EMG1: variants seen among roughly 807,000 people sequenced by gnomAD.
The protein encoded by EMG1 is EMG1 N1-specific pseudouridine methyltransferase.
EMG1 carries 24 observed loss-of-function variants against 26.9 expected under a neutral mutation model. The ratio of observed to expected loss-of-function variants is 0.89; its 90% CI spans 0.65 to 1.26. The LOEUF (loss-of-function observed/expected upper bound fraction) is 1.26. Ranked by LOEUF, EMG1 falls within the 50% of genes most tolerant of loss-of-function variation. EMG1 has a pLI of 0.00. For synonymous variants in EMG1, 140 were observed against 112.6 expected (o/e 1.24, Z -1.54); for missense variants, 299 against 307.6 (o/e 0.97, Z 0.21).
At chr12:6,997,379 ATGTGTGTGTGTGTGTGTGTGTGTGTG>A (rs201579525) in exon 8 of EMG1, 2 of 114,046 alleles carry the variant, frequency 1.8e-5, no homozygotes, top group African/African-American at 3.3e-5. Flanking sequence ...ACAGCAAATT[ATGTGTGTGTGTGTGTGTGTGTGTGTG>A]TGTGTGTGTG....
rs1946435880 is a variant in EMG1 at position 6,978,569 on chromosome 12, C to A, written c.*2760C>A. On this transcript the variant is annotated 3_prime_UTR_variant, in exon 6 of 6. Coordinates refer to ENST00000599672, the MANE Select transcript of EMG1 (RefSeq NM_006331.8). ...CCCCATACTGGCCCCCATGGCTTGT[C>A]TAAATAGGACCTTGTTTCAACTTTT... 1 of 1,613,580 alleles carries A rather than the reference C, an allele frequency of 6.2e-7. No homozygotes were observed. The highest frequency in any genetic ancestry group is 1.7e-5 in the Admixed American group (1 of 59,966).
chr12:6,980,923 T>G, downstream of EMG1: 7 of 1,385,562 alleles, frequency 5.1e-6, no homozygotes, highest in African/African-American at 1.5e-5. Context: ...AGGGTCATGC[T>G]GGAGAATGCA....
rs782485166 is a variant in EMG1 at position 6,974,452 on chromosome 12, G to T, written c.270+12G>T. 4 of 1,611,826 alleles carry T rather than the reference G, an allele frequency of 2.5e-6. No individual in the cohort carries two copies. The highest frequency in any genetic ancestry group is 1.6e-4 in the Middle Eastern group (1 of 6,082). ...ATATCACCCACCAGGTAACTCCAGG[G>T]ACAGTGCTCACAACCCTTTGAGCCT... is the stretch of plus-strand genomic sequence containing the variant. On this transcript the variant is annotated intron_variant, in intron 2 of 5. Coordinates refer to ENST00000599672, the MANE Select transcript of EMG1 (RefSeq NM_006331.8).
chr12:6,982,116 A>G (rs149859155), downstream of EMG1, among the ~76,000 whole-genome samples: 49 of 152,244 alleles, frequency 3.2e-4, no homozygotes, highest in African/African-American at 1.2e-3. Context: ...ATGAGAATTT[A>G]GATGCTGGGA....
At position 6,987,739 on chromosome 12, in the gene EMG1, T is replaced by C. The variant is rs1036558882; in HGVS notation, c.*155-43T>C. On this transcript the variant is annotated intron_variant and NMD_transcript_variant, in intron 6 of 7. Coordinates refer to the EMG1 transcript ENST00000261406. The surrounding 1 kb of genome is among the most constrained non-coding windows in gnomAD (Gnocchi z 4.1). Reference sequence around the variant, plus strand: ...TCGAAATTAAAAAACACCACACATATTACTCTGCCTCTTTAAGTTGAATCT... The same window carrying C: ...TCGAAATTAAAAAACACCACACATACTACTCTGCCTCTTTAAGTTGAATCT... 4.0e-5 allele frequency: 16 copies of C among 400,480 alleles called. No homozygotes were observed. Among genetic ancestry groups the C allele is most frequent in the African/African-American group, 2.7e-4 (13 of 48,708 alleles). The allele number at this position is 400,480 out of a possible 1,614,324, so 24.8% of individuals were successfully genotyped here. A position where few individuals can be genotyped will look rare whatever the true frequency, so the allele number is the denominator to read the frequency against.
At chr12:6,971,144 T>C in intron 1 of EMG1, 53 bp downstream of exon 1, 1 of 1,477,056 alleles carries the variant, frequency 6.8e-7, no homozygotes, top group Non-Finnish European at 9.3e-7. Context: ...TGGGACTCCG[T>C]GGAATGAGGG....
rs1946413706 is a variant in EMG1, at chr12:6,977,185, T to C, written c.*1376T>C. 1 of 1,613,596 alleles carries C rather than the reference T, an allele frequency of 6.2e-7. No individual in the cohort carries two copies. The highest frequency in any genetic ancestry group is 1.3e-5 in the African/African-American group (1 of 74,944). On this transcript the variant is annotated 3_prime_UTR_variant, in exon 6 of 6. Transcript: ENST00000599672. This position sits in a 1 kb window ranked among gnomAD's most constrained non-coding sequence, Gnocchi z 4.5. ...TTAACTTCTCTTTCCTTGGCACCAT[T>C]GCTTTGTGAATATAAGGCAATATGA...
intron 7 of EMG1, among the ~76,000 whole-genome samples, chr12:6,996,710 ATTCTT>A (rs782768812): frequency 3.5e-4 from 53 of 152,356 alleles, no homozygotes; most frequent in Non-Finnish European, 6.0e-4. Flanking sequence ...GGTGCTTTCT[ATTCTT>A]AAGGAGCAAA....
In EMG1 at chr12:6,974,586, G is replaced by A. The variant is rs782563434; in HGVS notation, c.305G>A (p.Arg102Gln). 2 of 1,613,934 alleles carry A rather than the reference G, an allele frequency of 1.2e-6. No individual in the cohort carries two copies. The highest frequency in any genetic ancestry group is 1.7e-6 in the Non-Finnish European group (2 of 1,179,870). The change falls in exon 3 of 6, where the codon CGA (arginine) becomes CAA (glutamine). Residue 102 changes from arginine to glutamine, a missense_variant. By Grantham distance (43) the Arg-to-Gln change is conservative. Coordinates refer to ENST00000599672, the MANE Select transcript of EMG1 (RefSeq NM_006331.8). ...ATGCTGATGGATAGTCCCCTGAACC[G>A]AGCTGGCTTGCTACAGGTTTATATC... Reference protein sequence around the residue: ...LLMLMDSPLNRAGLLQVYIHT... With the variant: ...LLMLMDSPLNQAGLLQVYIHT...
chr12:6,997,393 G>A (rs1555156161), exon 8 of EMG1: 3 of 147,306 alleles, frequency 2.0e-5, no homozygotes, highest in African/African-American at 7.9e-5. Context: ...GTGTGTGTGT[G>A]TGTGTGTGTG....
At chr12:6,994,981 C>CCA (rs1200078579) in intron 7 of EMG1, among the ~76,000 whole-genome samples, 15 of 152,182 alleles carry the variant, frequency 9.9e-5, no homozygotes, top group Non-Finnish European at 4.4e-5. Flanking sequence ...AAAGACAGAT[C>CCA]CACATCTTTA....
chr12:6,973,743 C>T (rs186007257), intron 1 of EMG1, among the ~76,000 whole-genome samples: 4 of 151,588 alleles, frequency 2.6e-5, no homozygotes, highest in Admixed American at 6.6e-5. Flanking sequence ...GGGGTTTCAC[C>T]GTGTTAGCCA....
rs1006613906 is a variant in EMG1, at chr12:6,979,259, C to T, written c.*3450C>T. ...GAAGGCAACGGGTGCTAAATGTGCA[C>T]CTGGCACAGCCCTGTGCCCGCGAAG... On this transcript the variant is annotated 3_prime_UTR_variant, in exon 6 of 6. Coordinates refer to ENST00000599672, the MANE Select transcript of EMG1 (RefSeq NM_006331.8). 1.9e-5 allele frequency: 11 copies of T among 576,548 alleles called. No individual in the cohort carries two copies. The highest frequency in any genetic ancestry group is 3.4e-5 in the Non-Finnish European group (11 of 324,272). The allele number at this position is 576,548 out of a possible 1,614,324, so 35.7% of individuals were successfully genotyped here. A position where few individuals can be genotyped will look rare whatever the true frequency, so the allele number is the denominator to read the frequency against.
chr12:6,987,937 C>A lies in EMG1; in HGVS notation c.*211+99C>A. Reference sequence around the variant, plus strand: ...TATAGCCTGTCTGTCCCTTTCCTTGCTACTCTGGGATCAACAGTCACCTCT... The same window carrying A: ...TATAGCCTGTCTGTCCCTTTCCTTGATACTCTGGGATCAACAGTCACCTCT... On this transcript the variant is annotated intron_variant and NMD_transcript_variant, in intron 7 of 7. Transcript: ENST00000261406. This position sits in a 1 kb window ranked among gnomAD's most constrained non-coding sequence, Gnocchi z 4.1. 1 of 399,288 alleles carries A rather than the reference C, an allele frequency of 2.5e-6. No homozygotes were observed. The highest frequency in any genetic ancestry group is 3.6e-5 in the East Asian group (1 of 28,022). 24.7% of individuals were successfully genotyped at this position (399,288 alleles called of 1,614,324 possible).
Position 6,977,838 on chromosome 12 carries a change from G to T in EMG1, c.*2029G>T. ...GGTCCTCACCCTGAGGATTGGATTG[G>T]AGTGCTGGTGGGTTCCCACGTGTAG... On this transcript the variant is annotated 3_prime_UTR_variant, in exon 6 of 6. Coordinates refer to ENST00000599672, the MANE Select transcript of EMG1 (RefSeq NM_006331.8). This position sits in a 1 kb window ranked among gnomAD's most constrained non-coding sequence, Gnocchi z 4.5. The T allele has an allele frequency of 2.0e-6, 3 of 1,487,514 alleles. No homozygotes were observed. The highest frequency in any genetic ancestry group is 1.4e-5 in the African/African-American group (1 of 72,462). The allele number at this position is 1,487,514 out of a possible 1,614,324, so 92.1% of individuals were successfully genotyped here.
chr12:6,975,162 AC>A lies in EMG1; in HGVS notation c.471+16del. The stretch of plus-strand genomic sequence containing the variant: ...AAGCTTTTGAAGGTGAGGTATTGAA[AC>A]CTGTTAGTTGAAGGCTGGTTCTGGG... On this transcript the variant is annotated intron_variant, in intron 4 of 5. Coordinates refer to ENST00000599672, the MANE Select transcript of EMG1 (RefSeq NM_006331.8). 1.2e-6 allele frequency: 2 copies of A among 1,613,964 alleles called. No homozygotes were observed. Among genetic ancestry groups the A allele is most frequent in the Non-Finnish European group, 1.7e-6 (2 of 1,179,874 alleles).
intron 1 of EMG1, among the ~76,000 whole-genome samples, chr12:6,973,752 C>T (rs1429592238): frequency 1.3e-5 from 2 of 151,992 alleles, no homozygotes; most frequent in Non-Finnish European, 2.9e-5. Context: ...CCGTGTTAGC[C>T]ACGATGGTCT....
rs140516862 is a variant in EMG1 at position 6,996,287 on chromosome 12, A to G, written c.*212-938A>G. ...TAAGCTCAAATCCTTCCTACACCTCAGGTCCTTTGTAAAATGTCACCATAA... is the reference window on the plus strand; with the variant it reads ...TAAGCTCAAATCCTTCCTACACCTCGGGTCCTTTGTAAAATGTCACCATAA... On this transcript the variant is annotated intron_variant and NMD_transcript_variant, in intron 7 of 7. Coordinates refer to the EMG1 transcript ENST00000607161. Among the ~76,000 whole-genome samples the G allele has an allele frequency of 2.8e-3, 428 of 152,310 alleles. 3 individuals are homozygous for G. Among genetic ancestry groups the G allele is most frequent in the African/African-American group, 9.2e-3 (384 of 41,576 alleles).
chr12:6,977,276 G>A lies in EMG1; in HGVS notation c.*1467G>A, dbSNP rs782122398. The A allele has an allele frequency of 3.5e-5, 57 of 1,611,208 alleles. No homozygotes were observed. In the East Asian group the frequency reaches 1.2e-3, roughly 33 times the overall value. The stretch of plus-strand genomic sequence containing the variant: ...GGATTTATACACCTGTGGAGAGAGA[G>A]GCCACTAAGGTAGACAGGCCTGGAG... On this transcript the variant is annotated 3_prime_UTR_variant, in exon 6 of 6. Transcript: ENST00000599672. The surrounding 1 kb of genome is among the most constrained non-coding windows in gnomAD (Gnocchi z 4.5).
Sources: gnomAD v4.1 joint callset for allele counts (sites outside exome capture counted in the v4.1 genomes callset) on GRCh38, gnomAD v4.1.1 for gene constraint, Gnocchi (gnomAD v3.1) non-coding constraint, MANE v1.5 for transcripts, NCBI Gene and HGNC (gene_info 2026-07-23, HGNC 2026-07-21) for gene names.